ADAMTSL1: variants seen among roughly 807,000 people sequenced by gnomAD.
ADAMTSL1 encodes the protein ADAMTS like 1.
ADAMTSL1 carries 126 observed loss-of-function variants against 201.8 expected under a neutral mutation model. The ratio of observed to expected loss-of-function variants is 0.62; its 90% CI spans 0.54 to 0.72. The LOEUF (loss-of-function observed/expected upper bound fraction) is 0.72, where lower values mean the gene tolerates loss of function less well. Ranked by LOEUF, ADAMTSL1 falls within the 30% of genes least tolerant of loss-of-function variation. ADAMTSL1 has a pLI of 0.00. For missense variants in ADAMTSL1, 2,679 were observed against 2,277.8 expected, an observed-to-expected ratio of 1.18 and a Z score of -3.59; for synonymous variants, 1,121 against 903.4, an observed-to-expected ratio of 1.24 and a Z score of -4.32.
At chr9:18,661,791 C>A in intron 8 of ADAMTSL1, 144 bp from the exon 9 acceptor site, 2 of 826,088 alleles carry the variant, frequency 2.4e-6, no homozygotes, top group Non-Finnish European at 3.6e-6. Flanking sequence ...AATTAATGAG[C>A]CTTCCAATTA....
At chr9:18,407,774 T>C (rs1271201091) in intron 2 of ADAMTSL1, among the ~76,000 whole-genome samples, 2 of 152,196 alleles carry the variant, frequency 1.3e-5, no homozygotes, top group Admixed American at 6.5e-5. Context: ...GTAAGTATTA[T>C]CTCACCTTTG....
intron 2 of ADAMTSL1, among the ~76,000 whole-genome samples, chr9:18,269,546 T>C (rs1159210511): frequency 2.0e-5 from 3 of 152,178 alleles, no homozygotes; most frequent in African/African-American, 4.8e-5. Context: ...GTGGTCTCAT[T>C]ATTAATAAAT....
At chr9:17,956,329 T>A (rs890444510) in intron 1 of ADAMTSL1, among the ~76,000 whole-genome samples, 1 of 152,174 alleles carries the variant, frequency 6.6e-6, no homozygotes, top group Non-Finnish European at 1.5e-5. Context: ...TTCTGTTTTG[T>A]TGTACTACTT....
intron 2 of ADAMTSL1, among the ~76,000 whole-genome samples, chr9:18,341,886 T>C (rs1835477408): frequency 6.6e-6 from 1 of 152,124 alleles, no homozygotes; most frequent in Non-Finnish European, 1.5e-5. Context: ...AGTATTATGT[T>C]CAATGAAAAA....
chr9:18,777,473 C>A lies in ADAMTSL1; in HGVS notation c.3244C>A (p.Leu1082Met). ...CGAGCAGCGGCGCCTGGACGACATC[C>A]TGGGGAACCTCTCCCAGCAGCCCGA... is the stretch of plus-strand genomic sequence containing the variant. Reference protein sequence around the residue: ...VTEQRRLDDILGNLSQQPEEL... With the variant: ...VTEQRRLDDIMGNLSQQPEEL... The change falls in exon 19 of 29, where the codon CTG becomes ATG. Residue 1082 changes from leucine to methionine, a missense_variant. Coordinates refer to ENST00000380548, the MANE Select transcript of ADAMTSL1 (RefSeq NM_001040272.6). 1.9e-6 allele frequency: 3 copies of A among 1,593,938 alleles called. No individual in the cohort carries two copies. The highest frequency in any genetic ancestry group is 2.6e-6 in the Non-Finnish European group (3 of 1,170,608).
At chr9:18,034,264 G>T (rs1272687908) in intron 1 of ADAMTSL1, among the ~76,000 whole-genome samples, 1 of 151,778 alleles carries the variant, frequency 6.6e-6, no homozygotes, top group African/African-American at 2.4e-5. Context: ...TCATTTCCTG[G>T]GCCTTCTTTA....
intron 16 of ADAMTSL1, among the ~76,000 whole-genome samples, chr9:18,761,624 G>A (rs997107094): frequency 3.3e-5 from 5 of 152,046 alleles, no homozygotes; most frequent in African/African-American, 9.6e-5. Flanking sequence ...TCTTGCCATT[G>A]CTCCTTTGGA....
At chr9:18,845,361 G>C (rs992306575) in intron 23 of ADAMTSL1, among the ~76,000 whole-genome samples, 4 of 152,246 alleles carry the variant, frequency 2.6e-5, no homozygotes, top group Non-Finnish European at 5.9e-5. Context: ...ATTCCAACCT[G>C]AGTGTACAGA....
At chr9:18,904,847 T>C (rs957039562) in intron 26 of ADAMTSL1, among the ~76,000 whole-genome samples, 1 of 151,320 alleles carries the variant, frequency 6.6e-6, no homozygotes, top group Non-Finnish European at 1.5e-5. Flanking sequence ...GGCACAGCTG[T>C]CTGACCCAAG....
intron 4 of ADAMTSL1, among the ~76,000 whole-genome samples, chr9:18,602,440 G>T (rs770034982): frequency 6.6e-6 from 1 of 152,196 alleles, no homozygotes; most frequent in Admixed American, 6.5e-5. Flanking sequence ...GGTTTGCAGC[G>T]TAGAGGAATG....
intron 2 of ADAMTSL1, among the ~76,000 whole-genome samples, chr9:18,422,781 C>G (rs994720512): frequency 6.6e-6 from 1 of 152,160 alleles, no homozygotes; most frequent in Non-Finnish European, 1.5e-5. Context: ...CACAGCCTTC[C>G]TCATATAATC....
At chr9:17,935,830 C>G (rs1588442105) in intron 1 of ADAMTSL1, among the ~76,000 whole-genome samples, 2 of 152,282 alleles carry the variant, frequency 1.3e-5, no homozygotes, top group South Asian at 4.1e-4. Flanking sequence ...TACCTTCAGT[C>G]TCGTCTCAGT....
intron 1 of ADAMTSL1, among the ~76,000 whole-genome samples, chr9:18,113,626 G>A (rs966921077): frequency 6.6e-6 from 1 of 152,140 alleles, no homozygotes; most frequent in African/African-American, 2.4e-5. Flanking sequence ...TGACTGGAAT[G>A]TGGATCCAGA....
At chr9:18,036,584 C>G (rs1467992045) in intron 1 of ADAMTSL1, among the ~76,000 whole-genome samples, 1 of 152,176 alleles carries the variant, frequency 6.6e-6, no homozygotes, top group East Asian at 1.9e-4. Flanking sequence ...ATACTCAGAT[C>G]TTGCTGAAAA....
At chr9:18,707,137 A>G in intron 14 of ADAMTSL1, 89 bp downstream of exon 14, 1 of 1,462,714 alleles carries the variant, frequency 6.8e-7, no homozygotes, top group Non-Finnish European at 9.2e-7. Context: ...ACTGCCTCAA[A>G]TCCAAGAATG....
intron 9 of ADAMTSL1, among the ~76,000 whole-genome samples, chr9:18,663,834 C>T (rs553518723): frequency 1.3e-5 from 2 of 152,062 alleles, no homozygotes; most frequent in Non-Finnish European, 1.5e-5. Context: ...TCTTTCTTGC[C>T]TCTGATTTTT....
At chr9:18,692,724 A>G (rs1463191800) in intron 13 of ADAMTSL1, among the ~76,000 whole-genome samples, 1 of 152,220 alleles carries the variant, frequency 6.6e-6, no homozygotes, top group African/African-American at 2.4e-5. Context: ...TTGAGTTTCC[A>G]ATATTTTAAA....
At chr9:18,863,287 A>T (rs1827318950) in intron 23 of ADAMTSL1, among the ~76,000 whole-genome samples, 1 of 152,190 alleles carries the variant, frequency 6.6e-6, no homozygotes, top group Non-Finnish European at 1.5e-5. Context: ...ATCTGGATGG[A>T]GCTACTTTTC....
intron 14 of ADAMTSL1, among the ~76,000 whole-genome samples, chr9:18,721,067 A>G (rs1306664665): frequency 1.3e-5 from 2 of 152,258 alleles, no homozygotes; most frequent in Admixed American, 6.5e-5. Context: ...CAAGACCTCA[A>G]GAGCCCAGCA....
Sources: allele counts gnomAD v4.1 joint callset (sites outside exome capture counted in the v4.1 genomes callset), GRCh38; gene constraint gnomAD v4.1.1; transcripts MANE v1.5; gene names NCBI Gene and HGNC (gene_info 2026-07-23, HGNC 2026-07-21).